SVIL: variants seen among roughly 807,000 people sequenced by gnomAD.
The protein encoded by SVIL is archvillin.
SVIL carries 101 observed loss-of-function variants against 240.4 expected under a neutral mutation model. The ratio of observed to expected loss-of-function variants is 0.42; its 90% CI spans 0.36 to 0.50. The LOEUF is 0.50. SVIL is among the 20% of genes least tolerant of loss of function. The probability of loss-of-function intolerance (pLI) is 0.01; values close to 1 mark genes in which losing one functional copy is unlikely to be tolerated. For missense variants in SVIL, 2,512 were observed against 2,818.7 expected (o/e 0.89, Z 2.46); for synonymous variants, 999 against 1,100.0 (o/e 0.91, Z 1.82).
chr10:29,546,266 C>T (rs1287349134), intron 6 of SVIL, among the ~76,000 whole-genome samples: 1 of 152,062 alleles, frequency 6.6e-6, no homozygotes, highest in East Asian at 1.9e-4. Flanking sequence ...CAAATAATAC[C>T]ATTTCTGAAA....
chr10:29,569,290 G>A lies in SVIL; in HGVS notation c.-178C>T, dbSNP rs1955259248. The A allele has an allele frequency of 1.0e-6, 1 of 985,770 alleles. No individual in the cohort carries two copies. The highest frequency in any genetic ancestry group is 1.2e-6 in the Non-Finnish European group (1 of 829,864). 61.1% of individuals were successfully genotyped at this position (985,770 alleles called of 1,614,324 possible). Reference sequence around the variant, plus strand: ...TCCTTTGACGTGGGAATCCAAGGAAGCTTAAGTTTTTCTTGTTGAAATCTA... The same window carrying A: ...TCCTTTGACGTGGGAATCCAAGGAAACTTAAGTTTTTCTTGTTGAAATCTA... On this transcript the variant is annotated 5_prime_UTR_variant, in exon 2 of 38. Transcript: ENST00000355867.
chr10:29,557,285 AC>A (rs764403694), intron 3 of SVIL, among the ~76,000 whole-genome samples: 1 of 135,152 alleles, frequency 7.4e-6, no homozygotes, highest in Non-Finnish European at 1.6e-5. Context: ...TTTTGTGGAG[AC>A]GGGGTTTCGC....
intron 23 of SVIL, among the ~76,000 whole-genome samples, chr10:29,488,263 G>T (rs1230721315): frequency 2.6e-5 from 4 of 152,062 alleles, no homozygotes; most frequent in Non-Finnish European, 5.9e-5. Flanking sequence ...CTGCATGGAT[G>T]TGTGACCGCT....
At chr10:29,707,024 C>T (rs1248634266) in intron 1 of SVIL, among the ~76,000 whole-genome samples, 1 of 152,184 alleles carries the variant, frequency 6.6e-6, no homozygotes, top group Non-Finnish European at 1.5e-5. Flanking sequence ...CAGTACCATG[C>T]TGTTTTGGTT....
At chr10:29,541,715 T>C (rs1455219081) in intron 6 of SVIL, among the ~76,000 whole-genome samples, 6 of 152,178 alleles carry the variant, frequency 3.9e-5, no homozygotes, top group Non-Finnish European at 8.8e-5. Flanking sequence ...CCTCATCTCC[T>C]GATTGGAACC....
At chr10:29,504,665 T>C (rs1187852058) in intron 17 of SVIL, among the ~76,000 whole-genome samples, 1 of 152,130 alleles carries the variant, frequency 6.6e-6, no homozygotes, top group Non-Finnish European at 1.5e-5. Flanking sequence ...ACACATCAAT[T>C]AGGATGGCAA....
chr10:29,625,034 C>A (rs1194055776), intron 1 of SVIL, among the ~76,000 whole-genome samples: 1 of 151,870 alleles, frequency 6.6e-6, no homozygotes, highest in African/African-American at 2.4e-5. Flanking sequence ...TCAGCTTCAC[C>A]CAGTGATAGA....
At position 29,499,077 on chromosome 10, in the gene SVIL, T is replaced by C. The variant is rs749638681; in HGVS notation, c.3664+39A>G. On this transcript the variant is annotated intron_variant, in intron 18 of 37. Transcript: ENST00000355867. Reference sequence around the variant, plus strand: ...GGGTAAGTGTGCTCACGTGTGTGCATTGTGCACACACCACACACATGGACA... The same window carrying C: ...GGGTAAGTGTGCTCACGTGTGTGCACTGTGCACACACCACACACATGGACA... 11 of 1,596,928 alleles carry C rather than the reference T, an allele frequency of 6.9e-6. No individual in the cohort carries two copies. In the South Asian group the frequency reaches 7.8e-5, roughly 11 times the overall value.
At chr10:29,502,018 A>G (rs962346544) in intron 17 of SVIL, among the ~76,000 whole-genome samples, 9 of 152,162 alleles carry the variant, frequency 5.9e-5, no homozygotes, top group Non-Finnish European at 7.4e-5. Context: ...AAGCACTGGG[A>G]TTCCCTCAGA....
intron 17 of SVIL, among the ~76,000 whole-genome samples, chr10:29,505,210 C>G (rs1169947730): frequency 6.6e-6 from 1 of 152,160 alleles, no homozygotes; most frequent in Non-Finnish European, 1.5e-5. Context: ...CCTGCAATCG[C>G]AGCTACTCAG....
intron 17 of SVIL, among the ~76,000 whole-genome samples, chr10:29,509,376 A>AGAGAGAGAGAGATT (rs1564541481): frequency 1.4e-5 from 2 of 139,190 alleles, no homozygotes; most frequent in Non-Finnish European, 3.1e-5. Flanking sequence ...AGAGAGAGAG[A>AGAGAGAGAGAGATT]GAGAATACCC....
chr10:29,597,794 A>G (rs961442285), intron 1 of SVIL, among the ~76,000 whole-genome samples: 33 of 151,864 alleles, frequency 2.2e-4, no homozygotes, highest in Non-Finnish European at 1.3e-4. Context: ...TCTTTTTAGG[A>G]GGCAAGGACT....
intron 31 of SVIL, 125 bp from the exon 32 acceptor site, chr10:29,470,608 G>A: frequency 2.8e-6 from 3 of 1,070,994 alleles, no homozygotes; most frequent in South Asian, 1.5e-5. Flanking sequence ...GGACTTAGGG[G>A]ACTGGAGGGG....
At chr10:29,544,960 G>C (rs763113052) in intron 6 of SVIL, 2 of 532,924 alleles carry the variant, frequency 3.8e-6, no homozygotes, top group Non-Finnish European at 7.7e-6. Context: ...CTGTGAGGAG[G>C]ACCCAGATGT....
At chr10:29,668,916 C>T (rs1417107642) in intron 2 of SVIL, among the ~76,000 whole-genome samples, 1 of 152,142 alleles carries the variant, frequency 6.6e-6, no homozygotes, top group Non-Finnish European at 1.5e-5. Flanking sequence ...TGAAGGATTC[C>T]AGTTTTTTTC....
At chr10:29,479,236 T>C (rs909688679) in intron 29 of SVIL, among the ~76,000 whole-genome samples, 2 of 152,166 alleles carry the variant, frequency 1.3e-5, no homozygotes, top group Non-Finnish European at 2.9e-5. Flanking sequence ...TCTGACTCTC[T>C]GCCCGCAGAG....
chr10:29,729,493 GTGTATGTATGTGGTGTGTGTA>G (rs1247445099), intron 1 of SVIL, among the ~76,000 whole-genome samples: 1 of 123,390 alleles, frequency 8.1e-6, no homozygotes, highest in Non-Finnish European at 1.8e-5. Flanking sequence ...GTGTGTGTGT[GTGTATGTATGTGGTGTGTGTA>G]GCAAGACAGA....
chr10:29,655,391 C>T (rs1343216028), intron 3 of SVIL, among the ~76,000 whole-genome samples: 1 of 152,134 alleles, frequency 6.6e-6, no homozygotes, highest in Non-Finnish European at 1.5e-5. Context: ...TGTCCAAGGG[C>T]AGGAGGAGTA....
At chr10:29,653,909 T>TATAGA (rs535800266) in intron 3 of SVIL, among the ~76,000 whole-genome samples, 266 of 152,276 alleles carry the variant, frequency 1.7e-3, no homozygotes, top group African/African-American at 6.2e-3. Flanking sequence ...AATTCTATTC[T>TATAGA]ATAGAATAGA....
Sources: allele counts gnomAD v4.1 joint callset (sites outside exome capture counted in the v4.1 genomes callset), GRCh38; gene constraint gnomAD v4.1.1; transcripts MANE v1.5; gene names NCBI Gene and HGNC (gene_info 2026-07-23, HGNC 2026-07-21).